SPON1: variants seen among roughly 807,000 people sequenced by gnomAD.
SPON1 encodes the protein spondin-1.
Under a neutral mutation model 111.7 loss-of-function variants are expected in SPON1, and 52 were observed. The observed-to-expected ratio is 0.47, with a 90% CI of 0.37 to 0.59. The LOEUF (loss-of-function observed/expected upper bound fraction) is 0.59. SPON1 is among the 20% of genes least tolerant of loss of function. SPON1 has a pLI of 0.00. For missense variants in SPON1, 957 were observed against 1,068.5 expected (o/e 0.90, Z 1.46); for synonymous variants, 410 against 395.8 (o/e 1.04, Z -0.43).
At chr11:14,107,590 G>GAAAAAAAAAAAAA (rs3047369) in intron 5 of SPON1, among the ~76,000 whole-genome samples, 3 of 119,266 alleles carry the variant, frequency 2.5e-5, no homozygotes, top group Non-Finnish European at 3.5e-5. Context: ...AGATCCTCAG[G>GAAAAAAAAAAAAA]AAAAAAAAAA....
At chr11:14,232,899 G>A (rs1436486866) in intron 6 of SPON1, among the ~76,000 whole-genome samples, 1 of 152,132 alleles carries the variant, frequency 6.6e-6, no homozygotes, top group East Asian at 1.9e-4. Flanking sequence ...CATGGCAGGG[G>A]GGGCAGTAGG....
chr11:14,156,492 A>C (rs1304518804), intron 6 of SPON1, among the ~76,000 whole-genome samples: 4 of 149,564 alleles, frequency 2.7e-5, no homozygotes, highest in African/African-American at 7.4e-5. Context: ...GAAGCTCTTG[A>C]GTTTAATTAG....
At chr11:14,027,125 C>T (rs994277442) in intron 2 of SPON1, among the ~76,000 whole-genome samples, 3 of 152,060 alleles carry the variant, frequency 2.0e-5, no homozygotes, top group African/African-American at 4.8e-5. Context: ...TTCTCTCTGC[C>T]GGGAGGCACT....
intron 2 of SPON1, among the ~76,000 whole-genome samples, chr11:13,994,981 A>T (rs1448779205): frequency 6.6e-6 from 1 of 152,162 alleles, no homozygotes. Context: ...TCTTTCTTTC[A>T]TTCATTTGTT....
In SPON1 at chr11:14,222,196, C is replaced by A. The variant is rs946906142; in HGVS notation, c.826-21136C>A. On this transcript the variant is annotated intron_variant, in intron 6 of 15. Transcript: ENST00000576479. ...TTTTCCCATTATAACATTTCATAAT[C>A]TCTTCCTTGTTTTGTCCCTGCACCT... 3.7e-4 allele frequency among the ~76,000 whole-genome samples: 56 copies of A among 152,222 alleles called. 1 individual carries two copies. The highest frequency in any genetic ancestry group is 1.1e-3 in the African/African-American group (46 of 41,454).
rs561551376 is a variant in SPON1, at chr11:14,180,502, G to A, written c.825+44934G>A. 4.0e-4 allele frequency among the ~76,000 whole-genome samples: 61 copies of A among 152,146 alleles called. 1 individual carries two copies. Among genetic ancestry groups the A allele is most frequent in the African/African-American group, 1.3e-3 (56 of 41,492 alleles). On this transcript the variant is annotated intron_variant, in intron 6 of 15. Transcript: ENST00000576479. ...TGCCCATTCCCCTACTCCTTTCATC[G>A]GCTAGCTCCTTCAGATCCTGATGCA...
intron 2 of SPON1, among the ~76,000 whole-genome samples, chr11:14,036,557 G>A (rs575548348): frequency 6.6e-6 from 1 of 152,146 alleles, no homozygotes; most frequent in African/African-American, 2.4e-5. Context: ...TATATCAAAA[G>A]GTAAATGCAA....
At chr11:14,166,115 A>T (rs1036382433) in intron 6 of SPON1, among the ~76,000 whole-genome samples, 1 of 152,204 alleles carries the variant, frequency 6.6e-6, no homozygotes, top group African/African-American at 2.4e-5. Context: ...CAGATTCCCC[A>T]ATGGACTTTA....
intron 5 of SPON1, among the ~76,000 whole-genome samples, chr11:14,093,751 T>C (rs1190109617): frequency 6.6e-6 from 1 of 152,224 alleles, no homozygotes; most frequent in African/African-American, 2.4e-5. Flanking sequence ...CATATATTCA[T>C]CTATGTACAG....
intron 2 of SPON1, among the ~76,000 whole-genome samples, chr11:14,008,973 A>G (rs1848384405): frequency 1.3e-5 from 2 of 152,168 alleles, no homozygotes; most frequent in African/African-American, 2.4e-5. Flanking sequence ...TCAGCCTGCT[A>G]TGAGTCCAGT....
intron 3 of SPON1, among the ~76,000 whole-genome samples, chr11:14,060,597 C>T (rs1411121983): frequency 2.0e-5 from 3 of 152,188 alleles, no homozygotes; most frequent in Non-Finnish European, 2.9e-5. Flanking sequence ...ACCTGAGCAG[C>T]TTTTAAAACT....
chr11:14,197,767 A>G (rs1326318083), intron 6 of SPON1, among the ~76,000 whole-genome samples: 1 of 152,122 alleles, frequency 6.6e-6, no homozygotes, highest in African/African-American at 2.4e-5. Flanking sequence ...GAGAGCTGAG[A>G]TCACACCACT....
chr11:14,014,370 A>G (rs1211844583), intron 2 of SPON1, among the ~76,000 whole-genome samples: 2 of 152,204 alleles, frequency 1.3e-5, no homozygotes, highest in Non-Finnish European at 2.9e-5. Flanking sequence ...TACAAGTCAG[A>G]ATGCATCTTA....
intron 6 of SPON1, among the ~76,000 whole-genome samples, chr11:14,236,361 T>A (rs1490036610): frequency 6.6e-6 from 1 of 152,038 alleles, no homozygotes; most frequent in African/African-American, 2.4e-5. Flanking sequence ...GAACTGAAAG[T>A]ACGGCATTGC....
At chr11:14,159,176 T>C (rs1343123135) in intron 6 of SPON1, among the ~76,000 whole-genome samples, 5 of 152,262 alleles carry the variant, frequency 3.3e-5, no homozygotes, top group Admixed American at 3.3e-4. Context: ...ACCTCTAAGA[T>C]GTCATGAATT....
intron 5 of SPON1, among the ~76,000 whole-genome samples, chr11:14,087,009 A>C (rs940588324): frequency 6.6e-6 from 1 of 151,708 alleles, no homozygotes; most frequent in African/African-American, 2.4e-5. Flanking sequence ...ATCATTTTTT[A>C]TTGTGTCTAT....
chr11:14,252,125 C>T (rs570912422), intron 7 of SPON1, among the ~76,000 whole-genome samples: 1 of 152,308 alleles, frequency 6.6e-6, no homozygotes, highest in South Asian at 2.1e-4. Context: ...CATATTTGTT[C>T]AGTCGGCCCA....
chr11:14,248,905 C>T (rs1344331707), intron 7 of SPON1, among the ~76,000 whole-genome samples: 1 of 152,184 alleles, frequency 6.6e-6, no homozygotes, highest in African/African-American at 2.4e-5. Flanking sequence ...GTGGCTCCGA[C>T]AGCCCAGGGT....
At chr11:14,039,734 C>T (rs1244736387) in intron 2 of SPON1, among the ~76,000 whole-genome samples, 1 of 152,094 alleles carries the variant, frequency 6.6e-6, no homozygotes, top group Admixed American at 6.5e-5. Context: ...ATGAATTTGA[C>T]TAGAAGAAAG....
Sources: gnomAD v4.1 joint callset for allele counts (sites outside exome capture counted in the v4.1 genomes callset) on GRCh38, gnomAD v4.1.1 for gene constraint, MANE v1.5 for transcripts, NCBI Gene and HGNC (gene_info 2026-07-23, HGNC 2026-07-21) for gene names.